Variants in NXPE2 observed in about 807,000 individuals in gnomAD.
NXPE2 encodes neurexophilin and PC-esterase domain family member 2.
In NXPE2, 34 loss-of-function variants were observed where a neutral mutation model predicts 34.4. The ratio of observed to expected loss-of-function variants is 0.99; its 90% CI spans 0.75 to 1.31. NXPE2 has a LOEUF of 1.31. Among genes scored for constraint, NXPE2 ranks in the 40% most tolerant of loss-of-function variants. NXPE2 has a pLI of 0.00. For missense variants in NXPE2, 649 were observed against 672.5 expected (o/e 0.97, Z 0.39); for synonymous variants, 235 against 231.3 (o/e 1.02, Z -0.15).
At chr11:114,647,709 T>A in the NXPE2 span, among the ~76,000 whole-genome samples, 7 of 151,300 alleles carry the variant, frequency 4.6e-5, no homozygotes, top group African/African-American at 1.7e-4. Flanking sequence ...TATTTTATTT[T>A]TTTTTTTTTT....
At chr11:114,605,150 T>C in the NXPE2 span, among the ~76,000 whole-genome samples, 8 of 150,710 alleles carry the variant, frequency 5.3e-5, no homozygotes, top group Non-Finnish European at 7.4e-5. Flanking sequence ...AAGCACTGTT[T>C]CCCAGGGATA....
the NXPE2 span, among the ~76,000 whole-genome samples, chr11:114,636,160 A>T: frequency 6.6e-6 from 1 of 151,948 alleles, no homozygotes. Flanking sequence ...TGGTCTATTC[A>T]GAGATTCAAC....
chr11:114,491,958 A>G, the NXPE2 span, among the ~76,000 whole-genome samples: 13,180 of 152,082 alleles, frequency 0.087, 734 homozygotes, highest in East Asian at 0.23. Flanking sequence ...GAATTGAACA[A>G]TGAGAACACA....
At chr11:114,672,143 C>A in the NXPE2 span, among the ~76,000 whole-genome samples, 1 of 151,914 alleles carries the variant, frequency 6.6e-6, no homozygotes, top group South Asian at 2.1e-4. Flanking sequence ...GAAGTCCACC[C>A]CCATGATTCA....
the NXPE2 span, among the ~76,000 whole-genome samples, chr11:114,471,895 A>G: frequency 6.6e-6 from 1 of 152,180 alleles, no homozygotes; most frequent in Non-Finnish European, 1.5e-5. Flanking sequence ...ACAAGCAACC[A>G]ACCCCCCTAA....
At chr11:114,672,300 T>A in the NXPE2 span, among the ~76,000 whole-genome samples, 1 of 152,078 alleles carries the variant, frequency 6.6e-6, no homozygotes, top group East Asian at 1.9e-4. Context: ...ACTGTGCAAG[T>A]TAATTGCTAG....
chr11:114,529,655 T>G, the NXPE2 span: 1 of 158,900 alleles, frequency 6.3e-6, no homozygotes, highest in Admixed American at 5.8e-5. Flanking sequence ...GATCATGGGA[T>G]CAACTGGAGA....
the NXPE2 span, among the ~76,000 whole-genome samples, chr11:114,666,287 C>T: frequency 1.3e-5 from 2 of 152,030 alleles, no homozygotes; most frequent in South Asian, 2.1e-4. Context: ...TTCATTTTTA[C>T]GACATTTCTT....
At chr11:114,551,341 C>G in the NXPE2 span, 1 of 1,400,384 alleles carries the variant, frequency 7.1e-7, no homozygotes, top group South Asian at 1.6e-5. Flanking sequence ...TCTTCTTTCC[C>G]TCTGCTAACT....
the NXPE2 span, among the ~76,000 whole-genome samples, chr11:114,475,861 G>A: frequency 7.2e-5 from 11 of 152,136 alleles, no homozygotes; most frequent in Admixed American, 2.6e-4. Context: ...AGAGAAGGAG[G>A]TAACACAACT....
chr11:114,514,256 C>T, the NXPE2 span, among the ~76,000 whole-genome samples: 6 of 152,196 alleles, frequency 3.9e-5, no homozygotes, highest in East Asian at 1.9e-4. Flanking sequence ...CATTGCTGGA[C>T]GTATAGGTTT....
the NXPE2 span, among the ~76,000 whole-genome samples, chr11:114,653,018 G>A: frequency 2.0e-5 from 3 of 152,092 alleles, no homozygotes; most frequent in Admixed American, 6.6e-5. Context: ...AAAATCTGGG[G>A]GGTTCTGCTG....
At chr11:114,605,313 T>A in the NXPE2 span, among the ~76,000 whole-genome samples, 12 of 151,932 alleles carry the variant, frequency 7.9e-5, no homozygotes, top group Non-Finnish European at 1.6e-4. Context: ...GGGTAACCAC[T>A]CTTACCTGGT....
chr11:114,510,938 C>T, the NXPE2 span, among the ~76,000 whole-genome samples: 2 of 152,110 alleles, frequency 1.3e-5, no homozygotes, highest in East Asian at 1.9e-4. Context: ...ATTAGTAATG[C>T]AAACACTAAC....
At chr11:114,747,963 G>A in the NXPE2 span, among the ~76,000 whole-genome samples, 3,067 of 152,176 alleles carry the variant, frequency 0.02, 99 homozygotes, top group African/African-American at 0.071. Context: ...GACCAACAGT[G>A]CCCCAATTCT....
chr11:114,712,380 T>C, the NXPE2 span, among the ~76,000 whole-genome samples: 1 of 152,154 alleles, frequency 6.6e-6, no homozygotes, highest in African/African-American at 2.4e-5. Context: ...GAAGAAATAA[T>C]TGCAAATATT....
At chr11:114,714,199 A>G in the NXPE2 span, among the ~76,000 whole-genome samples, 1 of 152,154 alleles carries the variant, frequency 6.6e-6, no homozygotes, top group Non-Finnish European at 1.5e-5. Context: ...TTTGTGTTGT[A>G]CCTTTTTTCA....
chr11:114,571,059 T>C, the NXPE2 span: 1 of 1,613,962 alleles, frequency 6.2e-7, no homozygotes, highest in African/African-American at 1.3e-5. Flanking sequence ...CACACTGAGA[T>C]CCTGGAAAAT....
At chr11:114,592,829 A>G in the NXPE2 span, among the ~76,000 whole-genome samples, 1 of 152,168 alleles carries the variant, frequency 6.6e-6, no homozygotes, top group Non-Finnish European at 1.5e-5. Flanking sequence ...ATATAGTCAC[A>G]TACACCAATG....
Sources: allele counts gnomAD v4.1 joint callset (sites outside exome capture counted in the v4.1 genomes callset), GRCh38; gene constraint gnomAD v4.1.1; transcripts MANE v1.5; gene names NCBI Gene and HGNC (gene_info 2026-07-23, HGNC 2026-07-21).